MYO9B: variants seen among roughly 807,000 people sequenced by gnomAD.
MYO9B encodes the protein myosin IXB, also known as unconventional myosin-IXb.
MYO9B carries 71 observed loss-of-function variants against 229.5 expected under a neutral mutation model. The ratio of observed to expected loss-of-function variants is 0.31; its 90% CI spans 0.26 to 0.38. The LOEUF (loss-of-function observed/expected upper bound fraction) is 0.38. Among genes scored for constraint, MYO9B ranks in the 10% least tolerant of loss-of-function variants. The probability of loss-of-function intolerance (pLI) is 1.00; values close to 1 mark genes in which losing one functional copy is unlikely to be tolerated. For missense variants in MYO9B, 2,255 were observed against 2,920.5 expected, an observed-to-expected ratio of 0.77 and a Z score of 5.25; for synonymous variants, 1,185 against 1,235.8, an observed-to-expected ratio of 0.96 and a Z score of 0.86.
At position 17,152,709 on chromosome 19, in the gene MYO9B, A is replaced by G. The variant is rs749699028; in HGVS notation, c.998+3A>G. 2 of 1,610,980 alleles carry G rather than the reference A, an allele frequency of 1.2e-6. No homozygotes were observed. Among genetic ancestry groups the G allele is most frequent in the South Asian group, 2.2e-5 (2 of 90,796 alleles). On this transcript the variant is annotated splice_donor_region_variant and intron_variant, in intron 4 of 39. Transcript: ENST00000682292. ...GTGTCTCAGGAGAAGGATGAGAGGT[A>G]GGAGAATGTTTTCCCAGGAATCTCT... is the stretch of plus-strand genomic sequence containing the variant.
chr19:17,083,777 A>G (rs564757337), intron 1 of MYO9B, among the ~76,000 whole-genome samples: 38 of 151,918 alleles, frequency 2.5e-4, no homozygotes, highest in Non-Finnish European at 3.7e-4. Context: ...CAGCCTCCCA[A>G]GTAGGTGGGG....
Position 17,193,572 on chromosome 19 carries a change from A to G in MYO9B, c.3128+510A>G, listed in dbSNP as rs1245252440. Among the ~76,000 whole-genome samples the G allele has an allele frequency of 1.3e-5, 2 of 152,154 alleles. No individual in the cohort carries two copies. The highest frequency in any genetic ancestry group is 2.9e-5 in the Non-Finnish European group (2 of 68,022). ...GGTCCCAGCTCCCGGAGCAGGCCCT[A>G]CCCACACATGCAAAAGCCTCCTAGG... On this transcript the variant is annotated intron_variant, in intron 21 of 39. Transcript: ENST00000682292. This position sits in a 1 kb window ranked among gnomAD's most constrained non-coding sequence, Gnocchi z 4.3.
chr19:17,120,501 G>A (rs976579780), intron 2 of MYO9B, among the ~76,000 whole-genome samples: 27 of 152,062 alleles, frequency 1.8e-4, no homozygotes, highest in African/African-American at 6.0e-4. Flanking sequence ...ATATTAGCCA[G>A]GCATGTGCCT....
Position 17,191,226 on chromosome 19 carries a change from G to A in MYO9B, c.2811+7G>A, listed in dbSNP as rs764347728. On this transcript the variant is annotated splice_region_variant and intron_variant, in intron 20 of 39. Coordinates refer to ENST00000682292, the MANE Select transcript of MYO9B (RefSeq NM_004145.4). ...CCAGATCGGGAAGACCAAGGTCAGC[G>A]CTCCTGCCCCTCGGGGCACTACAAA... is the stretch of plus-strand genomic sequence containing the variant. 80 of 1,610,068 alleles carry A rather than the reference G, an allele frequency of 5.0e-5. No individual in the cohort carries two copies. The highest frequency in any genetic ancestry group is 1.7e-4 in the Middle Eastern group (1 of 6,036).
intron 15 of MYO9B, among the ~76,000 whole-genome samples, chr19:17,183,482 C>A (rs2072883427): frequency 6.6e-6 from 1 of 152,310 alleles, no homozygotes; most frequent in South Asian, 2.1e-4. Flanking sequence ...CCATAGCAAG[C>A]CCCGCTGGAT....
intron 10 of MYO9B, among the ~76,000 whole-genome samples, chr19:17,164,139 C>T (rs2072634492): frequency 6.6e-6 from 1 of 152,098 alleles, no homozygotes; most frequent in African/African-American, 2.4e-5. Context: ...ATAGCATGAG[C>T]TAGAACCGGA....
At chr19:17,137,415 A>G (rs1173320752) in intron 2 of MYO9B, among the ~76,000 whole-genome samples, 2 of 152,124 alleles carry the variant, frequency 1.3e-5, no homozygotes, top group Non-Finnish European at 2.9e-5. Flanking sequence ...AACAACAACA[A>G]CAACAACAAG....
Position 17,102,068 on chromosome 19 carries a change from C to T in MYO9B, c.351C>T (p.Thr117=), listed in dbSNP as rs771091067. ...FLLQERNADG[T]IKYVHMQLVA... ...TGCAGGAGCGCAACGCAGATGGAAC[C>T]ATCAAGTACGTGCATATGCAGCTGG... is the stretch of plus-strand genomic sequence containing the variant. The change falls in exon 2 of 40, where the codon ACC becomes ACT. Residue 117 remains threonine, a synonymous_variant. Transcript: ENST00000682292. The T allele has an allele frequency of 1.6e-5, 25 of 1,612,580 alleles. No individual in the cohort carries two copies. Among genetic ancestry groups the T allele is most frequent in the Non-Finnish European group, 2.1e-5 (25 of 1,179,902 alleles).
At chr19:17,116,814 T>C (rs2057908770) in intron 2 of MYO9B, among the ~76,000 whole-genome samples, 1 of 152,066 alleles carries the variant, frequency 6.6e-6, no homozygotes, top group African/African-American at 2.4e-5. Context: ...GGCTGGAGGC[T>C]GCATTGACCC....
intron 15 of MYO9B, among the ~76,000 whole-genome samples, chr19:17,183,133 G>GC (rs2072879996): frequency 1.3e-5 from 2 of 152,118 alleles, no homozygotes; most frequent in South Asian, 4.1e-4. Context: ...TGTTGGCCAG[G>GC]CTGGCCTTGA....
intron 2 of MYO9B, among the ~76,000 whole-genome samples, chr19:17,110,928 C>T (rs2057841918): frequency 6.6e-6 from 1 of 152,152 alleles, no homozygotes; most frequent in African/African-American, 2.4e-5. Context: ...TGAGCTCCTC[C>T]TTAGGGGCCC....
At chr19:17,174,831 G>A (rs2072765749) in intron 13 of MYO9B, among the ~76,000 whole-genome samples, 1 of 151,706 alleles carries the variant, frequency 6.6e-6, no homozygotes, top group Admixed American at 6.6e-5. Flanking sequence ...CTACTCAGGA[G>A]GCCGAGGCAG....
At chr19:17,166,001 C>G (rs1432177173) in intron 10 of MYO9B, among the ~76,000 whole-genome samples, 1 of 152,102 alleles carries the variant, frequency 6.6e-6, no homozygotes, top group East Asian at 1.9e-4. Context: ...CTATCTGGCC[C>G]ATTACAGAGA....
intron 24 of MYO9B, 109 bp from the exon 25 acceptor site, chr19:17,200,184 T>C: frequency 7.3e-7 from 1 of 1,369,728 alleles, no homozygotes. Context: ...GATCCTTTTT[T>C]GAGTCAGGCA....
At chr19:17,118,695 C>G (rs1307439112) in intron 2 of MYO9B, among the ~76,000 whole-genome samples, 1 of 152,086 alleles carries the variant, frequency 6.6e-6, no homozygotes, top group Non-Finnish European at 1.5e-5. Flanking sequence ...GTTGGCCAGG[C>G]TGGTCTTAAA....
Position 17,114,843 on chromosome 19 carries a change from A to G in MYO9B, c.840+12286A>G, listed in dbSNP as rs565408791. On this transcript the variant is annotated intron_variant, in intron 2 of 39. Coordinates refer to ENST00000682292, the MANE Select transcript of MYO9B (RefSeq NM_004145.4). ...TCAAGAACCACTGCCGGGAAACAGGATCAGCGGCCAGAGATTCCCCACTTT... is the reference window on the plus strand; with the variant it reads ...TCAAGAACCACTGCCGGGAAACAGGGTCAGCGGCCAGAGATTCCCCACTTT... 4.0e-5 allele frequency among the ~76,000 whole-genome samples: 6 copies of G among 151,516 alleles called. No individual in the cohort carries two copies. In the South Asian group the frequency reaches 1.3e-3, roughly 32 times the overall value.
chr19:17,160,824 T>A (rs916488170), intron 8 of MYO9B, among the ~76,000 whole-genome samples: 1 of 152,130 alleles, frequency 6.6e-6, no homozygotes, highest in African/African-American at 2.4e-5. Flanking sequence ...CTCAGCCTCC[T>A]GAGCAGCTGG....
At chr19:17,092,061 T>G (rs566778034) in intron 1 of MYO9B, among the ~76,000 whole-genome samples, 12 of 152,328 alleles carry the variant, frequency 7.9e-5, no homozygotes, top group African/African-American at 2.9e-4. Context: ...CCATGTGGCC[T>G]TCAGCCCTTG....
intron 3 of MYO9B, among the ~76,000 whole-genome samples, chr19:17,151,327 G>A (rs993276663): frequency 2.0e-5 from 3 of 151,344 alleles, no homozygotes; most frequent in South Asian, 4.2e-4. Context: ...CAGAACACCA[G>A]ACCATATGGA....
Sources: allele counts gnomAD v4.1 joint callset (sites outside exome capture counted in the v4.1 genomes callset), GRCh38; gene constraint gnomAD v4.1.1; non-coding constraint Gnocchi (gnomAD v3.1); transcripts MANE v1.5; gene names NCBI Gene and HGNC (gene_info 2026-07-23, HGNC 2026-07-21).